Variants in ARHGAP28 observed in about 807,000 individuals in gnomAD.
The protein encoded by ARHGAP28 is rho GTPase-activating protein 28.
ARHGAP28 carries 56 observed loss-of-function variants against 90.7 expected under a neutral mutation model. The ratio of observed to expected loss-of-function variants is 0.62; its 90% CI spans 0.50 to 0.77. ARHGAP28 has a LOEUF of 0.77. Among genes scored for constraint, ARHGAP28 ranks in the 30% least tolerant of loss-of-function variants. The pLI is 0.00. For missense variants in ARHGAP28, 869 were observed against 900.9 expected, an observed-to-expected ratio of 0.96 and a Z score of 0.45; for synonymous variants, 308 against 323.3, an observed-to-expected ratio of 0.95 and a Z score of 0.51.
intron 16 of ARHGAP28, among the ~76,000 whole-genome samples, chr18:6,907,532 A>G (rs1051624202): frequency 2.6e-5 from 4 of 151,242 alleles, no homozygotes; most frequent in Admixed American, 6.6e-5. Context: ...CCAAGTGGGG[A>G]AAAAAAGGCA....
intron 1 of ARHGAP28, among the ~76,000 whole-genome samples, chr18:6,736,890 A>G (rs2055933739): frequency 6.6e-6 from 1 of 150,916 alleles, no homozygotes; most frequent in Non-Finnish European, 1.5e-5. Context: ...CCTGATGGAA[A>G]ACATTTTCCT....
intron 16 of ARHGAP28, among the ~76,000 whole-genome samples, chr18:6,901,125 A>T (rs1022799370): frequency 3.3e-5 from 5 of 152,314 alleles, no homozygotes; most frequent in Admixed American, 3.3e-4. Flanking sequence ...AAACTGACCC[A>T]TAAAGGATGA....
intron 2 of ARHGAP28, chr18:6,834,473 C>A (rs1410004009): frequency 1.3e-5 from 2 of 152,104 alleles, no homozygotes; most frequent in Non-Finnish European, 2.9e-5. Context: ...TTTGAGGAAT[C>A]CAAAGTAGGC....
At chr18:6,854,663 G>A (rs1455102956) in intron 4 of ARHGAP28, among the ~76,000 whole-genome samples, 1 of 152,126 alleles carries the variant, frequency 6.6e-6, no homozygotes, top group African/African-American at 2.4e-5. Context: ...CTTCCATGGG[G>A]CCAGCAGGAG....
At chr18:6,871,909 C>T (rs188603131) in intron 7 of ARHGAP28, among the ~76,000 whole-genome samples, 25 of 152,158 alleles carry the variant, frequency 1.6e-4, no homozygotes, top group East Asian at 1.4e-3. Context: ...CTAGTGATTA[C>T]GTCCATTTTA....
chr18:6,743,398 C>T (rs574841885), intron 1 of ARHGAP28, among the ~76,000 whole-genome samples: 1 of 152,132 alleles, frequency 6.6e-6, no homozygotes, highest in Non-Finnish European at 1.5e-5. Flanking sequence ...CATCAGACGG[C>T]CTGGCACTTA....
At chr18:6,901,469 C>A (rs1247643167) in intron 16 of ARHGAP28, among the ~76,000 whole-genome samples, 1 of 148,422 alleles carries the variant, frequency 6.7e-6, no homozygotes, top group Admixed American at 6.8e-5. Flanking sequence ...GTTAGGTGAT[C>A]GGGTTAATAT....
At position 6,898,572 on chromosome 18, in the gene ARHGAP28, T is replaced by C. The variant is rs758655836; in HGVS notation, c.2030+1946T>C. 6.8e-6 allele frequency: 11 copies of C among 1,612,064 alleles called. No homozygotes were observed. The East Asian group carries it at 1.3e-4, about 20-fold the overall frequency. On this transcript the variant is annotated intron_variant, in intron 16 of 17. Coordinates refer to ENST00000383472, the MANE Select transcript of ARHGAP28 (RefSeq NM_001366230.1). ...CACTATTGGCCTGGACATCTCCACA[T>C]AGGCAGTCATATAGAGACTTGAAAT...
At chr18:6,889,681 T>G (rs1172363377) in intron 12 of ARHGAP28, among the ~76,000 whole-genome samples, 1 of 152,198 alleles carries the variant, frequency 6.6e-6, no homozygotes, top group Admixed American at 6.5e-5. Context: ...TTAAAATGGC[T>G]ACTTTCATGA....
At chr18:6,850,968 T>G in intron 3 of ARHGAP28, 66 bp from the exon 4 acceptor site, 1 of 1,593,862 alleles carries the variant, frequency 6.3e-7, no homozygotes, top group Non-Finnish European at 8.6e-7. Flanking sequence ...GTAATGCATG[T>G]GTGAATACGC....
chr18:6,859,092 C>CA (rs11463047), intron 4 of ARHGAP28, among the ~76,000 whole-genome samples: 79,294 of 151,144 alleles, frequency 0.52, 21,562 homozygotes, highest in Non-Finnish European at 0.61. Flanking sequence ...ACAACAACAA[C>CA]AACAAAAAAC....
At chr18:6,776,627 T>C (rs549200227) in intron 1 of ARHGAP28, among the ~76,000 whole-genome samples, 3 of 152,176 alleles carry the variant, frequency 2.0e-5, no homozygotes, top group Non-Finnish European at 4.4e-5. Flanking sequence ...TTGCTGTATA[T>C]GAAGTAGTGG....
At chr18:6,909,598 C>T (rs1292507536) in intron 17 of ARHGAP28, among the ~76,000 whole-genome samples, 4 of 152,074 alleles carry the variant, frequency 2.6e-5, no homozygotes, top group South Asian at 2.1e-4. Context: ...TGGCTGGCTT[C>T]GGTCTTTTCA....
rs2056440032 is a variant in ARHGAP28 at position 6,796,130 on chromosome 18, C to T, written c.123-28632C>T. Among the ~76,000 whole-genome samples the T allele has an allele frequency of 2.0e-5, 3 of 152,156 alleles. No individual in the cohort carries two copies. In the South Asian group the frequency reaches 6.2e-4, roughly 32 times the overall value. The stretch of plus-strand genomic sequence containing the variant: ...ACTCTTTAGAAGGCCCAGGAACGTA[C>T]CAAGAGAAACAGGCCTTAGCGGTAG... On this transcript the variant is annotated intron_variant, in intron 1 of 17. Transcript: ENST00000383472.
chr18:6,909,091 A>G (rs1356170432), intron 17 of ARHGAP28, 67 bp downstream of exon 17: 1 of 931,892 alleles, frequency 1.1e-6, no homozygotes, highest in African/African-American at 1.7e-5. Flanking sequence ...ATGTTGCTAT[A>G]ATCATAAAGG....
chr18:6,898,606 A>T, intron 16 of ARHGAP28: 1 of 1,592,708 alleles, frequency 6.3e-7, no homozygotes, highest in South Asian at 1.2e-5. Flanking sequence ...ATATCATTCA[A>T]GGGATTTGGG....
chr18:6,730,094 T>C (rs1446632930), intron 1 of ARHGAP28, 151 bp downstream of exon 1: 2 of 814,070 alleles, frequency 2.5e-6, no homozygotes, highest in Non-Finnish European at 3.4e-6. Context: ...TGGGGTTCTT[T>C]GCATTGTCTT....
intron 1 of ARHGAP28, among the ~76,000 whole-genome samples, chr18:6,745,849 TGTC>T (rs2056018852): frequency 6.6e-6 from 1 of 152,170 alleles, no homozygotes; most frequent in African/African-American, 2.4e-5. Flanking sequence ...TGTACCCAAT[TGTC>T]ATCCAGCTGT....
At chr18:6,854,038 C>A (rs898972802) in intron 4 of ARHGAP28, among the ~76,000 whole-genome samples, 7 of 151,866 alleles carry the variant, frequency 4.6e-5, no homozygotes, top group Non-Finnish European at 7.4e-5. Context: ...TTTGGGTTCA[C>A]AATGGCAACT....
Sources: allele counts gnomAD v4.1 joint callset (sites outside exome capture counted in the v4.1 genomes callset), GRCh38; gene constraint gnomAD v4.1.1; transcripts MANE v1.5; gene names NCBI Gene and HGNC (gene_info 2026-07-23, HGNC 2026-07-21).